The following SCAPER variants were observed in gnomAD, a reference collection of about 807,000 sequenced individuals.
SCAPER encodes S-phase cyclin A associated protein in the ER.
A neutral mutation model predicts 182.2 loss-of-function variants in SCAPER; 98 were observed. The ratio of observed to expected loss-of-function variants is 0.54; its 90% CI spans 0.46 to 0.64. SCAPER has a LOEUF of 0.64. Among genes scored for constraint, SCAPER ranks in the 30% least tolerant of loss-of-function variants. The pLI, the probability that SCAPER is intolerant of heterozygous loss-of-function variation, is 0.00. For synonymous variants in SCAPER, 605 were observed against 564.6 expected (o/e 1.07, Z -1.01); for missense variants, 1,432 against 1,690.0 (o/e 0.85, Z 2.68).
At chr15:76,687,529 CT>C (rs957893639) in intron 20 of SCAPER, among the ~76,000 whole-genome samples, 4 of 152,128 alleles carry the variant, frequency 2.6e-5, no homozygotes, top group Non-Finnish European at 2.9e-5. Context: ...GCCATGGTGG[CT>C]TGCTGCCCCC....
At chr15:76,806,861 G>C (rs1043319189) in intron 5 of SCAPER, among the ~76,000 whole-genome samples, 1 of 151,868 alleles carries the variant, frequency 6.6e-6, no homozygotes, top group Non-Finnish European at 1.5e-5. Flanking sequence ...TTTTTGGATT[G>C]TTTACTCCTA....
At chr15:76,660,087 G>A (rs2146679598) in intron 21 of SCAPER, among the ~76,000 whole-genome samples, 1 of 152,316 alleles carries the variant, frequency 6.6e-6, no homozygotes, top group South Asian at 2.1e-4. Flanking sequence ...TGCATGCTTT[G>A]CAGCAATATG....
intron 22 of SCAPER, among the ~76,000 whole-genome samples, chr15:76,608,632 C>G (rs1034043084): frequency 6.6e-6 from 1 of 152,208 alleles, no homozygotes; most frequent in African/African-American, 2.4e-5. Flanking sequence ...CCTACAGAGG[C>G]AGGCAGGCCT....
intron 3 of SCAPER, among the ~76,000 whole-genome samples, chr15:76,861,362 G>A (rs1056199465): frequency 5.3e-5 from 8 of 152,144 alleles, no homozygotes; most frequent in African/African-American, 1.9e-4. Context: ...CAGTTATCAC[G>A]AACCTCCTCT....
At chr15:76,591,729 C>T (rs1330122582) in intron 22 of SCAPER, among the ~76,000 whole-genome samples, 1 of 152,042 alleles carries the variant, frequency 6.6e-6, no homozygotes, top group Admixed American at 6.6e-5. Context: ...AGCAAGTTGC[C>T]AATCAAAATA....
chr15:76,412,417 A>G (rs949357140), intron 26 of SCAPER, among the ~76,000 whole-genome samples: 3 of 152,134 alleles, frequency 2.0e-5, no homozygotes, highest in Admixed American at 2.0e-4. Context: ...TGGAGGCTGT[A>G]CATGTGTGTG....
chr15:76,495,226 C>A (rs1207000662), intron 24 of SCAPER, among the ~76,000 whole-genome samples: 1 of 151,988 alleles, frequency 6.6e-6, no homozygotes, highest in African/African-American at 2.4e-5. Context: ...ACTGGTAAAA[C>A]AACAACCCAA....
At chr15:76,734,900 G>T (rs2061153660) in intron 15 of SCAPER, among the ~76,000 whole-genome samples, 1 of 151,814 alleles carries the variant, frequency 6.6e-6, no homozygotes, top group South Asian at 2.1e-4. Context: ...ATATATATAT[G>T]ATAAACAAGT....
intron 23 of SCAPER, among the ~76,000 whole-genome samples, chr15:76,572,905 T>TCA (rs1328947105): frequency 2.4e-4 from 17 of 69,838 alleles, no homozygotes; most frequent in African/African-American, 7.0e-4. Flanking sequence ...TCTCTCTCTC[T>TCA]CTCTCTCTCT....
intron 20 of SCAPER, among the ~76,000 whole-genome samples, chr15:76,680,408 GATGATAATAATAATA>G (rs1398844598): frequency 1.9e-4 from 22 of 115,124 alleles, no homozygotes; most frequent in African/African-American, 5.8e-4. Flanking sequence ...TGATGATGAT[GATGATAATAATAATA>G]ATAATAATAA....
intron 30 of SCAPER, among the ~76,000 whole-genome samples, chr15:76,351,956 G>GT (rs1415161004): frequency 6.6e-6 from 1 of 151,880 alleles, no homozygotes; most frequent in Non-Finnish European, 1.5e-5. Flanking sequence ...GATTTTTTTT[G>GT]TAAGACAAAG....
At chr15:76,660,219 G>C (rs1406935597) in intron 21 of SCAPER, among the ~76,000 whole-genome samples, 6 of 152,102 alleles carry the variant, frequency 3.9e-5, no homozygotes, top group Non-Finnish European at 5.9e-5. Context: ...GGAAACATCA[G>C]ACACTGGGGC....
chr15:76,525,256 CA>C lies in SCAPER; in HGVS notation c.2839-20283del, dbSNP rs1482735792. ...TTGAAAATCTTCACTCTCCTAAACT[CA>C]TATCTATCATAAGGCCCTTAGCATA... On this transcript the variant is annotated intron_variant, in intron 23 of 31. Transcript: ENST00000563290. Among the ~76,000 whole-genome samples, 17 of 152,266 alleles carry C rather than the reference CA, an allele frequency of 1.1e-4. No individual in the cohort carries two copies. In the South Asian group the frequency reaches 3.3e-3, roughly 30 times the overall value.
intron 4 of SCAPER, among the ~76,000 whole-genome samples, chr15:76,843,426 C>T (rs1036967747): frequency 5.9e-5 from 9 of 152,078 alleles, no homozygotes; most frequent in Admixed American, 5.2e-4. Context: ...GACTGAATTG[C>T]CTGACAAAGT....
intron 2 of SCAPER, among the ~76,000 whole-genome samples, chr15:76,879,515 T>C (rs1223092287): frequency 2.6e-5 from 4 of 152,196 alleles, no homozygotes; most frequent in Non-Finnish European, 4.4e-5. Context: ...TTAGGGAATA[T>C]ACAGCTTTGG....
At chr15:76,679,203 A>G (rs1361234318) in intron 20 of SCAPER, among the ~76,000 whole-genome samples, 1 of 152,214 alleles carries the variant, frequency 6.6e-6, no homozygotes, top group African/African-American at 2.4e-5. Context: ...TTAGAGATTC[A>G]AGAAACTGTG....
intron 25 of SCAPER, among the ~76,000 whole-genome samples, chr15:76,453,555 A>G (rs144915068): frequency 4.6e-5 from 7 of 152,350 alleles, no homozygotes; most frequent in Admixed American, 1.3e-4. Context: ...ATATTACAGA[A>G]GCAACGCTGT....
intron 3 of SCAPER, among the ~76,000 whole-genome samples, chr15:76,859,220 T>TA (rs1388712510): frequency 1.6e-4 from 25 of 152,350 alleles, no homozygotes; most frequent in African/African-American, 5.3e-4. Flanking sequence ...CCTGAAGCAA[T>TA]ATAAGTGAGC....
At chr15:76,682,269 C>CT (rs1567786816) in intron 20 of SCAPER, among the ~76,000 whole-genome samples, 1 of 141,466 alleles carries the variant, frequency 7.1e-6, no homozygotes, top group African/African-American at 2.6e-5. Flanking sequence ...TCCCTTCCCC[C>CT]CCCCACCCCA....
Sources: allele counts gnomAD v4.1 joint callset (sites outside exome capture counted in the v4.1 genomes callset), GRCh38; gene constraint gnomAD v4.1.1; transcripts MANE v1.5; gene names NCBI Gene and HGNC (gene_info 2026-07-23, HGNC 2026-07-21).